The following MORC3 variants were observed in gnomAD, a reference collection of about 807,000 sequenced individuals.
MORC3 encodes the protein MORC family CW-type zinc finger 3.
Under a neutral mutation model 109.1 loss-of-function variants are expected in MORC3, and 31 were observed. The observed-to-expected ratio is 0.28, with a 90% CI of 0.21 to 0.38. MORC3 has a LOEUF of 0.38. Among genes scored for constraint, MORC3 ranks in the 10% least tolerant of loss-of-function variants. MORC3 has a pLI of 1.00. For missense variants in MORC3, 867 were observed against 1,135.8 expected (o/e 0.76, Z 3.40); for synonymous variants, 395 against 380.7 (o/e 1.04, Z -0.44).
At position 36,327,591 on chromosome 21, in the gene MORC3, G is replaced by A. The variant is rs140985421; in HGVS notation, c.40-6055G>A. ...GAAACAAAGAACAAAAAGCAGATACGTCATTTCAAAGTTAAAAACAATAGA... is the reference window on the plus strand; with the variant it reads ...GAAACAAAGAACAAAAAGCAGATACATCATTTCAAAGTTAAAAACAATAGA... On this transcript the variant is annotated intron_variant, in intron 1 of 16. Coordinates refer to ENST00000400485, the MANE Select transcript of MORC3 (RefSeq NM_015358.3). Among the ~76,000 whole-genome samples the A allele has an allele frequency of 1.8e-4, 27 of 151,366 alleles. 1 individual carries two copies. The highest frequency in any genetic ancestry group is 5.6e-4 in the African/African-American group (23 of 40,740).
intron 2 of MORC3, among the ~76,000 whole-genome samples, chr21:36,335,535 C>G (rs1220830120): frequency 6.6e-6 from 1 of 152,026 alleles, no homozygotes; most frequent in Non-Finnish European, 1.5e-5. Context: ...AGGCTTGTCT[C>G]GAACTCCTGA....
In MORC3 at chr21:36,338,927, C is replaced by A. The variant is rs751902718; in HGVS notation, c.608+6C>A. On this transcript the variant is annotated splice_donor_region_variant and intron_variant, in intron 5 of 16. Coordinates refer to ENST00000400485, the MANE Select transcript of MORC3 (RefSeq NM_015358.3). ...ATCATTTGGAATCTTAGAAGGTAAA[C>A]GTGGACATAGATGTTGACCGTTTGG... The A allele has an allele frequency of 3.3e-6, 5 of 1,528,016 alleles. No homozygotes were observed. In the East Asian group the frequency reaches 8.9e-5, roughly 27 times the overall value. 94.7% of individuals were successfully genotyped at this position (1,528,016 alleles called of 1,614,324 possible).
intron 14 of MORC3, among the ~76,000 whole-genome samples, chr21:36,366,094 G>A (rs1333625115): frequency 2.0e-5 from 3 of 152,218 alleles, no homozygotes; most frequent in Non-Finnish European, 2.9e-5. Context: ...GGTATATGGC[G>A]TGATCCTGAG....
At chr21:36,357,714 TTTGG>T (rs1274498977) in intron 10 of MORC3, among the ~76,000 whole-genome samples, 2 of 151,660 alleles carry the variant, frequency 1.3e-5, no homozygotes, top group African/African-American at 2.4e-5. Context: ...TTCGGATTTG[TTTGG>T]TTGGTTGGTT....
chr21:36,365,638 A>G (rs528786036), intron 14 of MORC3, among the ~76,000 whole-genome samples: 8 of 152,074 alleles, frequency 5.3e-5, no homozygotes, highest in Admixed American at 2.0e-4. Flanking sequence ...CTGGAGTGCA[A>G]TGGTGCAATC....
intron 1 of MORC3, among the ~76,000 whole-genome samples, chr21:36,327,760 A>T (rs565859400): frequency 1.4e-5 from 2 of 146,576 alleles, no homozygotes; most frequent in Non-Finnish European, 2.9e-5. Context: ...TGAAGGTCAG[A>T]TAACAACTTA....
intron 2 of MORC3, among the ~76,000 whole-genome samples, chr21:36,335,385 G>C (rs1026299818): frequency 6.9e-6 from 1 of 145,648 alleles, no homozygotes; most frequent in African/African-American, 2.6e-5. Flanking sequence ...GCACAGTCTC[G>C]GCTCACTGCA....
intron 3 of MORC3, 63 bp downstream of exon 3, chr21:36,337,069 A>T: frequency 6.4e-7 from 1 of 1,553,762 alleles, no homozygotes; most frequent in South Asian, 1.2e-5. Flanking sequence ...TTTCCATGCC[A>T]TACTTACTAT....
chr21:36,327,011 T>C (rs2146286460), intron 1 of MORC3, among the ~76,000 whole-genome samples: 1 of 151,914 alleles, frequency 6.6e-6, no homozygotes, highest in East Asian at 1.9e-4. Context: ...AGACGGGTTT[T>C]GCCATGTTGC....
chr21:36,321,361 G>GT (rs200416895), intron 1 of MORC3, among the ~76,000 whole-genome samples: 3,215 of 151,948 alleles, frequency 0.021, 58 homozygotes, highest in Admixed American at 0.043. Flanking sequence ...TTTTTGTTTT[G>GT]TTTTTTTGAA....
intron 2 of MORC3, among the ~76,000 whole-genome samples, chr21:36,334,813 T>C (rs551540652): frequency 5.9e-5 from 9 of 152,270 alleles, no homozygotes; most frequent in Admixed American, 5.9e-4. Flanking sequence ...CATTTATGGG[T>C]CATGATTTTT....
intron 6 of MORC3, among the ~76,000 whole-genome samples, chr21:36,343,062 GAT>G (rs942618493): frequency 9.5e-5 from 14 of 147,976 alleles, no homozygotes; most frequent in African/African-American, 3.5e-4. Context: ...TTAATATCTT[GAT>G]ATAATAATGT....
At chr21:36,351,806 C>A (rs1601527980) in intron 9 of MORC3, among the ~76,000 whole-genome samples, 2 of 152,052 alleles carry the variant, frequency 1.3e-5, no homozygotes, top group East Asian at 3.8e-4. Context: ...AATAGAATTA[C>A]CATATGATTG....
chr21:36,369,445 G>A lies in MORC3; in HGVS notation c.2077G>A (p.Gly693Ser), dbSNP rs761274485. Residue 693 changes from glycine to serine, a missense_variant, in exon 15 of 17, where the codon GGC becomes AGC. Around this residue, in one of 7 missense-constraint regions of MORC3, gnomAD observed 486 missense variants for 502.1 expected, o/e 0.97. Coordinates refer to ENST00000400485, the MANE Select transcript of MORC3 (RefSeq NM_015358.3). ...CACCGATAAATCTGCAGATGATGCAGGCTGCCAATTACAAGAACTGAGAAA... is the reference window on the plus strand; with the variant it reads ...CACCGATAAATCTGCAGATGATGCAAGCTGCCAATTACAAGAACTGAGAAA... The part of the protein sequence containing the change: ...ETTDKSADDA[G>S]CQLQELRNQL... 6.2e-7 allele frequency: 1 copy of A among 1,614,180 alleles called. No individual in the cohort carries two copies. Among genetic ancestry groups the A allele is most frequent in the Admixed American group, 1.7e-5 (1 of 60,020 alleles).
intron 16 of MORC3, among the ~76,000 whole-genome samples, chr21:36,373,807 T>C (rs1275321029): frequency 2.0e-5 from 3 of 152,210 alleles, no homozygotes; most frequent in African/African-American, 7.2e-5. Context: ...AAATTAAATA[T>C]GGACTTATTA....
At chr21:36,352,888 G>C (rs1199509939) in intron 9 of MORC3, among the ~76,000 whole-genome samples, 2 of 151,320 alleles carry the variant, frequency 1.3e-5, no homozygotes, top group Non-Finnish European at 2.9e-5. Flanking sequence ...GAATGATCAT[G>C]TGAGCCTAGG....
intron 1 of MORC3, among the ~76,000 whole-genome samples, chr21:36,327,167 T>G (rs942770709): frequency 2.2e-5 from 3 of 138,918 alleles, no homozygotes; most frequent in African/African-American, 8.3e-5. Flanking sequence ...TTTTTTTTTT[T>G]TTTTTTTTTT....
intron 13 of MORC3, among the ~76,000 whole-genome samples, chr21:36,362,695 C>T (rs1379138707): frequency 6.6e-6 from 1 of 151,970 alleles, no homozygotes; most frequent in Non-Finnish European, 1.5e-5. Flanking sequence ...CATTTTATAG[C>T]TGTGTCTTAT....
chr21:36,346,449 C>T (rs218620), intron 8 of MORC3, among the ~76,000 whole-genome samples: 7,709 of 152,180 alleles, frequency 0.051, 272 homozygotes, highest in Non-Finnish European at 0.079. Context: ...CCTAGTGCTT[C>T]GTGTGGCTGA....
Sources: gnomAD v4.1 joint callset for allele counts (sites outside exome capture counted in the v4.1 genomes callset) on GRCh38, gnomAD v4.1.1 for gene constraint, gnomAD v4.1.1 regional missense constraint, MANE v1.5 for transcripts, NCBI Gene and HGNC (gene_info 2026-07-23, HGNC 2026-07-21) for gene names.